Variants in DEUP1 observed in about 807,000 individuals in gnomAD.
DEUP1 encodes deuterosome assembly protein 1.
DEUP1 carries 82 observed loss-of-function variants against 87.4 expected under a neutral mutation model. That is an observed-to-expected ratio of 0.94 (90% CI 0.78 to 1.13). DEUP1 has a LOEUF of 1.13. Among genes scored for constraint, DEUP1 ranks in the 50% most tolerant of loss-of-function variants. The pLI is 0.00. For missense variants in DEUP1, 663 were observed against 681.5 expected (o/e 0.97, Z 0.30); for synonymous variants, 214 against 222.7 (o/e 0.96, Z 0.35).
At position 93,347,744 on chromosome 11, in the gene DEUP1, T is replaced by C. The variant is rs186286072; in HGVS notation, c.30-7627T>C. 3.3e-3 allele frequency among the ~76,000 whole-genome samples: 505 copies of C among 152,102 alleles called. 2 individuals are homozygous for C. Among genetic ancestry groups the C allele is most frequent in the African/African-American group, 0.012 (482 of 41,486 alleles). On this transcript the variant is annotated intron_variant, in intron 2 of 13. Transcript: ENST00000298050. ...TTTTTTGGGGGGGTTTTGTTTTTTG[T>C]TTTTTCGTTTTTTTAGGCGGAGTCT...
intron 7 of DEUP1, among the ~76,000 whole-genome samples, chr11:93,375,946 T>G (rs114034787): frequency 6.6e-6 from 1 of 151,632 alleles, no homozygotes; most frequent in Admixed American, 6.6e-5. Flanking sequence ...TTCATATTAC[T>G]GTTTTGTTTT....
At position 93,370,078 on chromosome 11, in the gene DEUP1, T is replaced by C. The variant is rs747454592; in HGVS notation, c.438T>C (p.Phe146=). 4 of 1,582,532 alleles carry C rather than the reference T, an allele frequency of 2.5e-6. No individual in the cohort carries two copies. Among genetic ancestry groups the C allele is most frequent in the Non-Finnish European group, 3.5e-6 (4 of 1,156,628 alleles). ...GTCTCCCCACTTTTTAAAAGGAATTTAGAGCAAAGTCAAGAGAATGGGACA... is the reference window on the plus strand; with the variant it reads ...GTCTCCCCACTTTTTAAAAGGAATTCAGAGCAAAGTCAAGAGAATGGGACA... ...LSNLNQKLEE[F]RAKSREWDKQ... is the part of the protein sequence containing the mutation. Residue 146 remains phenylalanine, a synonymous_variant, in exon 6 of 14, where the codon TTT becomes TTC. Coordinates refer to ENST00000298050, the MANE Select transcript of DEUP1 (RefSeq NM_181645.4).
chr11:93,392,941 TCCTCCTCCCTCCTCTTCCTCC>T (rs1417715414), intron 9 of DEUP1, among the ~76,000 whole-genome samples: 11 of 87,736 alleles, frequency 1.3e-4, no homozygotes, highest in Middle Eastern at 8.2e-3. Context: ...CTCTTCCTCC[TCCTCCTCCCTCCTCTTCCTCC>T]TCCTCTTCCT....
intron 9 of DEUP1, among the ~76,000 whole-genome samples, chr11:93,393,720 A>AG (rs61563180): frequency 0.26 from 38,880 of 152,008 alleles, 5,280 homozygotes; most frequent in Middle Eastern, 0.38. Flanking sequence ...AGAAACAGTA[A>AG]TGGTTTCTAG....
chr11:93,432,424 A>T (rs1948131462), intron 13 of DEUP1, among the ~76,000 whole-genome samples: 1 of 152,210 alleles, frequency 6.6e-6, no homozygotes, highest in African/African-American at 2.4e-5. Flanking sequence ...AAGTGAACAT[A>T]CTAGGGAAGT....
chr11:93,432,400 C>T (rs115624891), intron 13 of DEUP1, among the ~76,000 whole-genome samples: 225 of 152,212 alleles, frequency 1.5e-3, no homozygotes, highest in African/African-American at 5.1e-3. Context: ...CAGGCCACAA[C>T]GTAATGAGTA....
intron 12 of DEUP1, among the ~76,000 whole-genome samples, chr11:93,412,084 G>T (rs900594790): frequency 6.6e-6 from 1 of 152,166 alleles, no homozygotes; most frequent in Non-Finnish European, 1.5e-5. Context: ...GGAAGGTGAG[G>T]CTGGAAAAAG....
Position 93,400,223 on chromosome 11 carries a change from AT to A in DEUP1, c.1326+3901del, listed in dbSNP as rs561728113. Among the ~76,000 whole-genome samples, 548 of 152,242 alleles carry A rather than the reference AT, an allele frequency of 3.6e-3. 6 individuals carry two copies. Among genetic ancestry groups the A allele is most frequent in the African/African-American group, 0.013 (526 of 41,558 alleles). On this transcript the variant is annotated intron_variant, in intron 11 of 13. Coordinates refer to ENST00000298050, the MANE Select transcript of DEUP1 (RefSeq NM_181645.4). Reference sequence around the variant, plus strand: ...AGCTGGCTGGCTTGAAACAACAGAAATTTATTGTCTTACAGTTCTAGAGGCT... The same window carrying A: ...AGCTGGCTGGCTTGAAACAACAGAAATTATTGTCTTACAGTTCTAGAGGCT...
chr11:93,373,609 A>ATGTG (rs1945855842), intron 7 of DEUP1, among the ~76,000 whole-genome samples: 1 of 90,236 alleles, frequency 1.1e-5, no homozygotes, highest in African/African-American at 3.5e-5. Context: ...ATATATTTAT[A>ATGTG]TATGTATATA....
chr11:93,374,258 G>A (rs1945919089), intron 7 of DEUP1, among the ~76,000 whole-genome samples: 1 of 152,038 alleles, frequency 6.6e-6, no homozygotes, highest in Non-Finnish European at 1.5e-5. Context: ...TATTTATTTT[G>A]CTGTGTAGAA....
intron 7 of DEUP1, chr11:93,383,431 G>A (rs1946393983): frequency 4.2e-6 from 2 of 473,580 alleles, no homozygotes; most frequent in Admixed American, 7.3e-5. Context: ...CATAGAGATA[G>A]AACATAGATT....
At chr11:93,388,542 T>C (rs867986465) in intron 8 of DEUP1, among the ~76,000 whole-genome samples, 2 of 152,230 alleles carry the variant, frequency 1.3e-5, no homozygotes, top group African/African-American at 4.8e-5. Context: ...AAAGAATAGA[T>C]GTATTTGAGT....
chr11:93,430,552 C>A (rs1192259207), intron 13 of DEUP1, among the ~76,000 whole-genome samples: 1 of 151,982 alleles, frequency 6.6e-6, no homozygotes, highest in African/African-American at 2.4e-5. Flanking sequence ...TCCACTGAAA[C>A]AATGTAGATT....
At position 93,385,422 on chromosome 11, in the gene DEUP1, G is replaced by T. The variant is rs1946493342; in HGVS notation, c.814G>T (p.Val272Leu). Residue 272 changes from valine to leucine, a missense_variant, in exon 8 of 14, where the codon GTA (valine) becomes TTA (leucine). By Grantham distance (32) the Val-to-Leu change is conservative. Coordinates refer to ENST00000298050, the MANE Select transcript of DEUP1 (RefSeq NM_181645.4). ...CQAMEAGLSE[V>L]KSELQSRDDL... ...GGCCATGGAAGCAGGTCTCTCAGAG[G>T]TAAAAAGTGAGTTACAGTCACGTGA... 6.2e-7 allele frequency: 1 copy of T among 1,612,840 alleles called. No homozygotes were observed. The highest frequency in any genetic ancestry group is 8.5e-7 in the Non-Finnish European group (1 of 1,179,636).
intron 2 of DEUP1, among the ~76,000 whole-genome samples, chr11:93,351,083 T>C (rs974296335): frequency 1.3e-5 from 2 of 149,554 alleles, no homozygotes; most frequent in African/African-American, 4.9e-5. Flanking sequence ...TATATGCTTA[T>C]ATATGTAAAA....
intron 11 of DEUP1, among the ~76,000 whole-genome samples, chr11:93,400,218 C>T (rs978985983): frequency 1.3e-5 from 2 of 152,080 alleles, no homozygotes; most frequent in African/African-American, 4.8e-5. Context: ...CTTGAAACAA[C>T]AGAAATTTAT....
intron 13 of DEUP1, among the ~76,000 whole-genome samples, chr11:93,436,540 TA>T (rs1417943305): frequency 6.6e-6 from 1 of 152,236 alleles, no homozygotes; most frequent in African/African-American, 2.4e-5. Context: ...TCTTCTCTAG[TA>T]GAGATACTAT....
chr11:93,359,578 T>C (rs1406169572), intron 4 of DEUP1, among the ~76,000 whole-genome samples: 2 of 152,254 alleles, frequency 1.3e-5, no homozygotes, highest in South Asian at 2.1e-4. Context: ...TTGCCTCATA[T>C]ATCTCAGACT....
chr11:93,417,724 T>G (rs1947696007), intron 13 of DEUP1, among the ~76,000 whole-genome samples: 1 of 148,580 alleles, frequency 6.7e-6, no homozygotes, highest in Admixed American at 6.7e-5. Context: ...CATCGCCAAG[T>G]CAATCCTAAG....
Sources: gnomAD v4.1 joint callset for allele counts (sites outside exome capture counted in the v4.1 genomes callset) on GRCh38, gnomAD v4.1.1 for gene constraint, MANE v1.5 for transcripts, NCBI Gene and HGNC (gene_info 2026-07-23, HGNC 2026-07-21) for gene names.